Variants in DISP1 observed in about 807,000 individuals in gnomAD.
DISP1 encodes the protein dispatched RND transporter family member 1, also known as protein dispatched homolog 1.
Under a neutral mutation model 37.3 loss-of-function variants are expected in DISP1, and 30 were observed. The observed-to-expected ratio is 0.80, with a 90% confidence interval of 0.60 to 1.09. DISP1 has a LOEUF of 1.09. Among genes scored for constraint, DISP1 ranks in the 50% least tolerant of loss-of-function variants. DISP1 has a pLI of 0.00. For synonymous variants in DISP1, 634 were observed against 690.2 expected (o/e 0.92, Z 1.28); for missense variants, 1,598 against 1,879.5 (o/e 0.85, Z 2.77).
chr1:222,958,370 G>A (rs1427574260), intron 3 of DISP1, among the ~76,000 whole-genome samples: 2 of 152,160 alleles, frequency 1.3e-5, no homozygotes, highest in Non-Finnish European at 2.9e-5. Flanking sequence ...GTAAAAGACA[G>A]CAAAGAAAAT....
chr1:222,901,776 C>G lies in DISP1; in HGVS notation c.-158-26654C>G, dbSNP rs112954609. On this transcript the variant is annotated intron_variant, in intron 1 of 8. Coordinates refer to ENST00000675850, the MANE Select transcript of DISP1 (RefSeq NM_001377229.1). ...TCCTGACTTCCAGTGATCCACCTGC[C>G]TTGGCCTCCCAAAGTGCTGGGATTA... Among the ~76,000 whole-genome samples, 624 of 152,324 alleles carry G rather than the reference C, an allele frequency of 4.1e-3. 1 individual carries two copies. The highest frequency in any genetic ancestry group is 7.6e-3 in the Admixed American group (117 of 15,298).
intron 3 of DISP1, among the ~76,000 whole-genome samples, chr1:222,960,515 G>A (rs1274216240): frequency 6.6e-6 from 1 of 152,134 alleles, no homozygotes; most frequent in Non-Finnish European, 1.5e-5. Context: ...ACATCAGAAA[G>A]CTAGAAAGAT....
rs575671861 is a variant in DISP1 at position 222,826,960 on chromosome 1, A to C, written c.-159+11882A>C. ...TCTACATATAACATTCCCCCATGTTATTTTCTATTAGAGTATGTGTATATA... is the reference window on the plus strand; with the variant it reads ...TCTACATATAACATTCCCCCATGTTCTTTTCTATTAGAGTATGTGTATATA... On this transcript the variant is annotated intron_variant, in intron 1 of 8. Coordinates refer to ENST00000675850, the MANE Select transcript of DISP1 (RefSeq NM_001377229.1). Among the ~76,000 whole-genome samples the C allele has an allele frequency of 2.6e-5, 4 of 152,190 alleles. No individual in the cohort carries two copies. In the South Asian group the frequency reaches 8.3e-4, roughly 32 times the overall value.
At chr1:222,878,955 C>A (rs537301269) in intron 1 of DISP1, among the ~76,000 whole-genome samples, 12 of 152,126 alleles carry the variant, frequency 7.9e-5, no homozygotes. Context: ...TAAATACTTG[C>A]TTTTGGAGGT....
intron 1 of DISP1, among the ~76,000 whole-genome samples, chr1:222,842,261 A>G (rs900967537): frequency 6.6e-6 from 1 of 151,976 alleles, no homozygotes; most frequent in African/African-American, 2.4e-5. Flanking sequence ...GCCTAATTAA[A>G]AATGGGATGT....
intron 1 of DISP1, among the ~76,000 whole-genome samples, chr1:222,924,355 G>T (rs969042493): frequency 2.6e-5 from 4 of 152,026 alleles, no homozygotes; most frequent in Non-Finnish European, 5.9e-5. Context: ...GAGCCAGCAG[G>T]GACCTATGAG....
intron 1 of DISP1, among the ~76,000 whole-genome samples, chr1:222,896,555 C>G (rs1336780458): frequency 1.3e-5 from 2 of 150,420 alleles, no homozygotes; most frequent in Non-Finnish European, 2.9e-5. Context: ...GAGCTGAGAT[C>G]GCACCATTGC....
At chr1:222,990,458 A>G (rs1043840326) in intron 4 of DISP1, among the ~76,000 whole-genome samples, 167 bp from the exon 5 acceptor site, 4 of 152,226 alleles carry the variant, frequency 2.6e-5, no homozygotes, top group Non-Finnish European at 5.9e-5. Context: ...TTATAATCCC[A>G]TTAGATATTG....
Position 223,005,057 on chromosome 1 carries a change from C to T in DISP1, c.3660C>T (p.Phe1220=), listed in dbSNP as rs1679788232. Residue 1220 remains phenylalanine (F), a synonymous_variant, in exon 9 of 9, where the codon TTC becomes TTT. Coordinates refer to ENST00000675850, the MANE Select transcript of DISP1 (RefSeq NM_001377229.1). ...YEETHICSEF[F]NSQAKNLGMP... is the part of the protein sequence containing the mutation. ...AGACCCACATCTGCTCTGAATTTTTCAACAGCCAAGCAAAGAATTTAGGGA... is the reference window on the plus strand; with the variant it reads ...AGACCCACATCTGCTCTGAATTTTTTAACAGCCAAGCAAAGAATTTAGGGA... The T allele has an allele frequency of 1.2e-6, 2 of 1,614,082 alleles. No homozygotes were observed. The highest frequency in any genetic ancestry group is 1.7e-5 in the Admixed American group (1 of 60,010).
Position 222,960,987 on chromosome 1 carries a change from C to CA in DISP1, c.509+17664dup, listed in dbSNP as rs954864249. On this transcript the variant is annotated intron_variant, in intron 3 of 8. Transcript: ENST00000675850. ...AGGCAGTAATTAGTAGTCTGCCAAC[C>CA]AAAAAAAAAGCCCAGGACCACACTG... Among the ~76,000 whole-genome samples the CA allele has an allele frequency of 2.7e-4, 41 of 150,000 alleles. No homozygotes were observed. The East Asian group carries it at 3.9e-3, about 14-fold the overall frequency.
At chr1:222,896,844 A>G (rs1671290011) in intron 1 of DISP1, among the ~76,000 whole-genome samples, 1 of 152,232 alleles carries the variant, frequency 6.6e-6, no homozygotes, top group Non-Finnish European at 1.5e-5. Context: ...AAAACCCACA[A>G]TGAGATACCA....
At chr1:222,821,208 C>G (rs1456900729) in intron 1 of DISP1, among the ~76,000 whole-genome samples, 3 of 152,144 alleles carry the variant, frequency 2.0e-5, no homozygotes, top group Non-Finnish European at 4.4e-5. Flanking sequence ...AGTGCTGTCT[C>G]CAATTAATTC....
rs140424958 is a variant in DISP1 at position 222,986,580 on chromosome 1, C to T, written c.539+3471C>T. ...ATGGCAGTAACACCCTGGACCAGAA[C>T]GCCAGGCAGCATGCCTGCTAACTCA... On this transcript the variant is annotated intron_variant, in intron 4 of 8. Coordinates refer to ENST00000675850, the MANE Select transcript of DISP1 (RefSeq NM_001377229.1). Among the ~76,000 whole-genome samples, 655 of 152,346 alleles carry T rather than the reference C, an allele frequency of 4.3e-3. 4 individuals are homozygous for T. Among genetic ancestry groups the T allele is most frequent in the African/African-American group, 0.015 (618 of 41,570 alleles).
intron 1 of DISP1, among the ~76,000 whole-genome samples, chr1:222,855,251 C>T (rs374317533): frequency 6.6e-6 from 1 of 152,190 alleles, no homozygotes; most frequent in African/African-American, 2.4e-5. Context: ...CCCTCTGCCC[C>T]TCTCACACAA....
Position 222,942,940 on chromosome 1 carries a change from G to C in DISP1, c.117G>C (p.Gln39His), listed in dbSNP as rs746958106. The C allele has an allele frequency of 1.4e-5, 22 of 1,614,132 alleles. No homozygotes were observed. In the East Asian group the frequency reaches 4.9e-4, roughly 36 times the overall value. ...GTGATGGAGACCATGCAGCCCAGCA[G>C]CTCACACCCAAAGAAGCAACAAGAA... is the stretch of plus-strand genomic sequence containing the variant. The part of the protein sequence containing the change: ...TPCDGDHAAQ[Q>H]LTPKEATRTK... The change falls in exon 3 of 9, where the codon CAG becomes CAC. Residue 39 changes from glutamine to histidine, a missense_variant. Transcript: ENST00000675850.
chr1:222,983,322 C>T (rs1326594126), intron 4 of DISP1, among the ~76,000 whole-genome samples: 1 of 152,042 alleles, frequency 6.6e-6, no homozygotes, highest in Admixed American at 6.6e-5. Flanking sequence ...CTATTAAATT[C>T]TATTTGTGTC....
intron 2 of DISP1, among the ~76,000 whole-genome samples, chr1:222,936,618 TATATATATCTCTCATATATATGAG>T (rs1457711331): frequency 0.017 from 1,694 of 100,550 alleles, 59 homozygotes; most frequent in African/African-American, 0.051. Flanking sequence ...ATATATGAGA[TATATATATCTCTCATATATATGAG>T]ATATATATAT....
At chr1:222,822,541 G>A (rs1663193110) in intron 1 of DISP1, among the ~76,000 whole-genome samples, 1 of 152,180 alleles carries the variant, frequency 6.6e-6, no homozygotes, top group Non-Finnish European at 1.5e-5. Context: ...TTTTAAAGAT[G>A]TAATTATATA....
In DISP1 at chr1:223,003,876, A is replaced by G. The variant is rs1679675529; in HGVS notation, c.2479A>G (p.Ile827Val). 1 of 1,613,994 alleles carries G rather than the reference A, an allele frequency of 6.2e-7. No individual in the cohort carries two copies. Among genetic ancestry groups the G allele is most frequent in the African/African-American group, 1.3e-5 (1 of 74,884 alleles). Residue 827 changes from isoleucine to valine, a missense_variant, in exon 9 of 9, where the codon ATT becomes GTT. Physicochemically the swap from Ile to Val is conservative, Grantham distance 29. Transcript: ENST00000675850. The surrounding 1 kb of genome is among the most constrained non-coding windows in gnomAD (Gnocchi z 4.3). ...NIASPASQAWILHFCQKLRNQ... is the reference protein window; with the variant it reads ...NIASPASQAWVLHFCQKLRNQ... ...CGCCAGCCCAGCTTCCCAGGCCTGG[A>G]TTTTGCACTTCTGTCAAAAACTGAG...
Sources: gnomAD v4.1 joint callset for allele counts (sites outside exome capture counted in the v4.1 genomes callset) on GRCh38, gnomAD v4.1.1 for gene constraint, Gnocchi (gnomAD v3.1) non-coding constraint, MANE v1.5 for transcripts, NCBI Gene and HGNC (gene_info 2026-07-23, HGNC 2026-07-21) for gene names.